WDR89: variants seen among roughly 807,000 people sequenced by gnomAD.
WDR89 encodes the protein WD repeat-containing protein 89.
WDR89 carries 17 observed loss-of-function variants against 29.1 expected under a neutral mutation model. The ratio of observed to expected loss-of-function variants is 0.58; its 90% CI spans 0.40 to 0.88. WDR89 has a LOEUF of 0.88. Among genes scored for constraint, WDR89 ranks in the 40% least tolerant of loss-of-function variants. WDR89 has a pLI of 0.00. For synonymous variants in WDR89, 138 were observed against 157.8 expected (o/e 0.87, Z 0.94); for missense variants, 396 against 456.3 (o/e 0.87, Z 1.20).
chr14:63,634,797 G>A (rs749922743), intron 1 of WDR89, among the ~76,000 whole-genome samples: 3 of 151,134 alleles, frequency 2.0e-5, no homozygotes, highest in Non-Finnish European at 2.9e-5. Flanking sequence ...TTGAACCCAG[G>A]AGGCGGAGGT....
In WDR89 at chr14:63,626,604, G is replaced by A. The variant is rs547500480; in HGVS notation, c.-137-1571C>T. ...AGAGGCATGAAAATGGCTTGAGCCCGGGAGGCAGAGGTTGCAGTGAGCCAA... is the reference window on the plus strand; with the variant it reads ...AGAGGCATGAAAATGGCTTGAGCCCAGGAGGCAGAGGTTGCAGTGAGCCAA... On this transcript the variant is annotated intron_variant, in intron 1 of 2. Coordinates refer to ENST00000620954, the MANE Select transcript of WDR89 (RefSeq NM_080666.4). Among the ~76,000 whole-genome samples, 8 of 148,326 alleles carry A rather than the reference G, an allele frequency of 5.4e-5. No homozygotes were observed. In the East Asian group the frequency reaches 9.9e-4, roughly 18 times the overall value.
Position 63,601,633 on chromosome 14 carries a change from A to T in WDR89, c.-31-1660T>A, listed in dbSNP as rs1319566987. On this transcript the variant is annotated intron_variant, in intron 2 of 2. Transcript: ENST00000620954. ...GAAAAATCTCAAGGAAAAGTATTGCAAGCAACAGTAGTCGCTGTTGGATCG... is the reference window on the plus strand; with the variant it reads ...GAAAAATCTCAAGGAAAAGTATTGCTAGCAACAGTAGTCGCTGTTGGATCG... 6 of 1,613,302 alleles carry T rather than the reference A, an allele frequency of 3.7e-6. No individual in the cohort carries two copies. The African/African-American group carries it at 6.7e-5, about 18-fold the overall frequency.
chr14:63,616,193 T>C (rs555374749), intron 2 of WDR89, among the ~76,000 whole-genome samples: 16 of 150,394 alleles, frequency 1.1e-4, no homozygotes, highest in African/African-American at 3.9e-4. Context: ...CCCAGGGAGG[T>C]TGCAGCTGCA....
intron 2 of WDR89, among the ~76,000 whole-genome samples, chr14:63,620,556 ACTACAGTT>A (rs1209846299): frequency 6.6e-6 from 1 of 152,018 alleles, no homozygotes; most frequent in African/African-American, 2.4e-5. Flanking sequence ...TAATATGGTG[ACTACAGTT>A]AGTAACAATG....
intron 1 of WDR89, among the ~76,000 whole-genome samples, chr14:63,625,913 G>GA (rs1883009148): frequency 6.6e-6 from 1 of 151,298 alleles, no homozygotes; most frequent in Non-Finnish European, 1.5e-5. Context: ...GAGAGCAGCA[G>GA]CGTGATCTCA....
intron 1 of WDR89, chr14:63,641,416 G>C (rs550669992): frequency 4.6e-5 from 7 of 152,222 alleles, no homozygotes; most frequent in Admixed American, 4.6e-4. Flanking sequence ...GCCTACAAAA[G>C]GATTATACTA....
At chr14:63,610,704 T>A (rs1021639701) in intron 2 of WDR89, among the ~76,000 whole-genome samples, 1 of 144,012 alleles carries the variant, frequency 6.9e-6, no homozygotes, top group Non-Finnish European at 1.5e-5. Flanking sequence ...TTTCTTTTCT[T>A]TTTTTTTTTT....
At position 63,616,167 on chromosome 14, in the gene WDR89, G is replaced by A. The variant is rs143700787; in HGVS notation, c.-32+8761C>T. ...TCTCAGCTACTTGAGATGCTGAGGCGGGAGAAGCACCTGAGCCCAGGGAGG... is the reference window on the plus strand; with the variant it reads ...TCTCAGCTACTTGAGATGCTGAGGCAGGAGAAGCACCTGAGCCCAGGGAGG... On this transcript the variant is annotated intron_variant, in intron 2 of 2. Coordinates refer to ENST00000620954, the MANE Select transcript of WDR89 (RefSeq NM_080666.4). 1.8e-3 allele frequency among the ~76,000 whole-genome samples: 277 copies of A among 152,138 alleles called. 2 individuals are homozygous for A. The highest frequency in any genetic ancestry group is 2.5e-3 in the Non-Finnish European group (169 of 67,996).
At chr14:63,628,953 A>G (rs1566799496) in intron 1 of WDR89, among the ~76,000 whole-genome samples, 1 of 152,086 alleles carries the variant, frequency 6.6e-6, no homozygotes, top group Non-Finnish European at 1.5e-5. Context: ...AAAAAACAAA[A>G]AACAAAAAAC....
At chr14:63,607,545 A>G (rs2139504874) in intron 2 of WDR89, among the ~76,000 whole-genome samples, 1 of 152,268 alleles carries the variant, frequency 6.6e-6, no homozygotes, top group South Asian at 2.1e-4. Context: ...AAAAGTTATC[A>G]GGGATGGAGA....
At chr14:63,627,148 A>ACTCTCTCTCTCT (rs1216848834) in intron 1 of WDR89, among the ~76,000 whole-genome samples, 11 of 128,290 alleles carry the variant, frequency 8.6e-5, no homozygotes, top group African/African-American at 3.0e-4. Context: ...ACACACACAC[A>ACTCTCTCTCTCT]CACTCTCTCT....
intron 1 of WDR89, among the ~76,000 whole-genome samples, chr14:63,627,009 C>T (rs1177955523): frequency 6.6e-6 from 1 of 151,902 alleles, no homozygotes; most frequent in Non-Finnish European, 1.5e-5. Context: ...TAGTCCCAGC[C>T]ACCCAAGAAA....
At chr14:63,634,152 C>T (rs1281254700) in intron 1 of WDR89, among the ~76,000 whole-genome samples, 3 of 151,612 alleles carry the variant, frequency 2.0e-5, no homozygotes, top group Admixed American at 6.6e-5. Flanking sequence ...TTTGGGAGGC[C>T]GAGGCAGGTG....
At chr14:63,629,622 C>T (rs1406187260) in intron 1 of WDR89, among the ~76,000 whole-genome samples, 2 of 152,144 alleles carry the variant, frequency 1.3e-5, no homozygotes, top group African/African-American at 4.8e-5. Context: ...ATGAAAAGTA[C>T]TGGAAGCAAG....
At chr14:63,637,232 G>T (rs1449545393) in intron 1 of WDR89, among the ~76,000 whole-genome samples, 1 of 152,202 alleles carries the variant, frequency 6.6e-6, no homozygotes, top group Non-Finnish European at 1.5e-5. Context: ...ACTCCTGCAA[G>T]AATGGCCATA....
intron 2 of WDR89, among the ~76,000 whole-genome samples, chr14:63,601,071 A>C (rs1433030004): frequency 1.3e-5 from 2 of 152,172 alleles, no homozygotes; most frequent in Non-Finnish European, 2.9e-5. Flanking sequence ...ACTAAAAAGC[A>C]AGAAAAGATT....
intron 2 of WDR89, chr14:63,601,375 C>T: frequency 5.0e-6 from 3 of 600,298 alleles, no homozygotes; most frequent in Non-Finnish European, 8.8e-6. Context: ...TGCTCTAAAC[C>T]ACCATACTAG....
intron 1 of WDR89, among the ~76,000 whole-genome samples, chr14:63,629,833 G>C (rs1595036734): frequency 6.6e-6 from 1 of 152,280 alleles, no homozygotes; most frequent in Middle Eastern, 3.4e-3. Flanking sequence ...GTGTGTTACA[G>C]GGAATGACTA....
chr14:63,634,924 G>C (rs1883634999), intron 1 of WDR89, among the ~76,000 whole-genome samples: 1 of 150,016 alleles, frequency 6.7e-6, no homozygotes, highest in African/African-American at 2.5e-5. Context: ...TGTAGTCCCA[G>C]CTACTTCGAA....
Sources: allele counts gnomAD v4.1 joint callset (sites outside exome capture counted in the v4.1 genomes callset), GRCh38; gene constraint gnomAD v4.1.1; transcripts MANE v1.5; gene names NCBI Gene and HGNC (gene_info 2026-07-23, HGNC 2026-07-21).